Variants in CXCL13 observed in about 807,000 individuals in gnomAD.
CXCL13 encodes the protein C-X-C motif chemokine ligand 13, also known as C-X-C motif chemokine 13.
In CXCL13, 7 loss-of-function variants were observed where a neutral mutation model predicts 12.2. The observed-to-expected ratio is 0.57, with a 90% CI of 0.33 to 1.07. The LOEUF (loss-of-function observed/expected upper bound fraction) is 1.07, where lower values mean the gene tolerates loss of function less well. Ranked by LOEUF, CXCL13 falls within the 50% of genes least tolerant of loss-of-function variation. The pLI is 0.04. For missense variants in CXCL13, 113 were observed against 127.4 expected (o/e 0.89, Z 0.55); for synonymous variants, 47 against 42.4 (o/e 1.11, Z -0.42).
At chr4:77,567,369 C>G (rs758646887) in intron 1 of CXCL13, among the ~76,000 whole-genome samples, 1 of 152,222 alleles carries the variant, frequency 6.6e-6, no homozygotes, top group Non-Finnish European at 1.5e-5. Flanking sequence ...ACGCGCACAA[C>G]ATTGGGATTC....
At chr4:77,570,621 C>T (rs748105938) in intron 1 of CXCL13, among the ~76,000 whole-genome samples, 1 of 152,222 alleles carries the variant, frequency 6.6e-6, no homozygotes, top group Non-Finnish European at 1.5e-5. Context: ...TCTGGGCTGG[C>T]CAAGGCCAGA....
rs536187527 is a variant in CXCL13, at chr4:77,561,166, A to T, written c.-42-44658A>T. Among the ~76,000 whole-genome samples the T allele has an allele frequency of 9.9e-4, 151 of 152,324 alleles. 1 individual carries two copies. The highest frequency in any genetic ancestry group is 3.6e-3 in the African/African-American group (148 of 41,566). Reference sequence around the variant, plus strand: ...TCTATTGTACCTAGTGACTAAAGTGAAATTTTAGAATGGTTTGAAACCTTG... The same window carrying T: ...TCTATTGTACCTAGTGACTAAAGTGTAATTTTAGAATGGTTTGAAACCTTG... On this transcript the variant is annotated intron_variant, in intron 1 of 4. Transcript: ENST00000286758.
At chr4:77,567,825 AC>A (rs1725975012) in intron 1 of CXCL13, among the ~76,000 whole-genome samples, 1 of 152,140 alleles carries the variant, frequency 6.6e-6, no homozygotes. Flanking sequence ...GGAATTCCCC[AC>A]CCCTTTCCCA....
chr4:77,530,646 C>G (rs941115043), intron 1 of CXCL13, among the ~76,000 whole-genome samples: 3 of 152,108 alleles, frequency 2.0e-5, no homozygotes, highest in Admixed American at 2.0e-4. Context: ...TTTATTGCAT[C>G]TATTTGATTC....
intron 1 of CXCL13, among the ~76,000 whole-genome samples, chr4:77,523,924 C>T (rs960380475): frequency 2.0e-5 from 3 of 151,796 alleles, no homozygotes; most frequent in African/African-American, 4.8e-5. Flanking sequence ...GATGTTGATG[C>T]TATTCCTTTC....
intron 1 of CXCL13, among the ~76,000 whole-genome samples, chr4:77,534,197 CA>C (rs144024829): frequency 0.078 from 11,840 of 152,162 alleles, 626 homozygotes; most frequent in South Asian, 0.13. Context: ...TTCTTAAAAA[CA>C]AAAACAAAAG....
chr4:77,593,311 A>C (rs142368568), intron 1 of CXCL13, among the ~76,000 whole-genome samples: 1 of 152,256 alleles, frequency 6.6e-6, no homozygotes. Flanking sequence ...AAAGAACAGA[A>C]TCACTTCCAA....
chr4:77,589,649 G>C (rs759499253), intron 1 of CXCL13, among the ~76,000 whole-genome samples: 8 of 152,122 alleles, frequency 5.3e-5, no homozygotes, highest in Non-Finnish European at 1.0e-4. Flanking sequence ...CGAATAAGGT[G>C]GGGGGACTAC....
At chr4:77,531,947 C>G (rs1057428528) in intron 1 of CXCL13, among the ~76,000 whole-genome samples, 1 of 152,078 alleles carries the variant, frequency 6.6e-6, no homozygotes, top group African/African-American at 2.4e-5. Context: ...GTCTCTGGTA[C>G]GTGAGATGGG....
Position 77,607,832 on chromosome 4 carries a change from T to A in CXCL13, c.194T>A (p.Ile65Asn). ...GGGAATGGTTGTCCAAGAAAAGAAA[T>A]CATGTAAGTTTCAAGAGAAAAATAA... The part of the protein sequence containing the change: ...PRGNGCPRKE[I>N]IVWKKNKSIV... The change falls in exon 2 of 4, where the codon ATC becomes AAC. Residue 65 changes from isoleucine (I) to asparagine (N), a missense_variant. Physicochemically the swap from Ile to Asn is moderately radical, Grantham distance 149 (BLOSUM62 -3). Coordinates refer to ENST00000682537, the MANE Select transcript of CXCL13 (RefSeq NM_001371558.1). 6.2e-7 allele frequency: 1 copy of A among 1,613,718 alleles called. No individual in the cohort carries two copies. The highest frequency in any genetic ancestry group is 8.5e-7 in the Non-Finnish European group (1 of 1,179,846).
At chr4:77,512,420 G>A (rs1418398296) in intron 1 of CXCL13, among the ~76,000 whole-genome samples, 1 of 152,150 alleles carries the variant, frequency 6.6e-6, no homozygotes, top group Non-Finnish European at 1.5e-5. Flanking sequence ...TGAGTGGGTT[G>A]AATAATAAAG....
intron 1 of CXCL13, among the ~76,000 whole-genome samples, chr4:77,516,861 G>A (rs2110078005): frequency 6.6e-6 from 1 of 152,208 alleles, no homozygotes; most frequent in Non-Finnish European, 1.5e-5. Flanking sequence ...TTTTGAATGT[G>A]TTTGCACTTG....
chr4:77,516,650 G>T (rs1348526221), intron 1 of CXCL13, among the ~76,000 whole-genome samples: 1 of 152,092 alleles, frequency 6.6e-6, no homozygotes, highest in East Asian at 1.9e-4. Context: ...GATCAGTGGT[G>T]ATATCCCCTT....
intron 1 of CXCL13, among the ~76,000 whole-genome samples, chr4:77,590,272 T>C (rs970168923): frequency 6.6e-6 from 1 of 152,186 alleles, no homozygotes; most frequent in Non-Finnish European, 1.5e-5. Flanking sequence ...CCAGTTTCCA[T>C]AGGAGGAAAA....
chr4:77,574,038 G>A (rs1726152830), intron 1 of CXCL13, among the ~76,000 whole-genome samples: 1 of 151,930 alleles, frequency 6.6e-6, no homozygotes, highest in South Asian at 2.1e-4. Flanking sequence ...AAAGCCAGAG[G>A]TGTTGGCTGT....
intron 1 of CXCL13, among the ~76,000 whole-genome samples, chr4:77,584,593 A>T (rs934123824): frequency 2.0e-5 from 3 of 152,236 alleles, no homozygotes; most frequent in Non-Finnish European, 2.9e-5. Flanking sequence ...GTTTGGAGAC[A>T]CTGGATAGAA....
At chr4:77,572,692 TAAA>T (rs530256054) in intron 1 of CXCL13, among the ~76,000 whole-genome samples, 13 of 151,876 alleles carry the variant, frequency 8.6e-5, no homozygotes, top group Non-Finnish European at 1.8e-4. Flanking sequence ...CTTAAAGACT[TAAA>T]AACAGAGATA....
Position 77,564,465 on chromosome 4 carries a change from C to T in CXCL13, c.-42-41359C>T, listed in dbSNP as rs1014159130. Among the ~76,000 whole-genome samples the T allele has an allele frequency of 2.6e-5, 4 of 152,224 alleles. No individual in the cohort carries two copies. In the South Asian group the frequency reaches 8.3e-4, roughly 31 times the overall value. ...TGAGCCACTTGAACTAGCTGTTCTG[C>T]ATTAGGCAAACAAACAGATTCTGTT... On this transcript the variant is annotated intron_variant, in intron 1 of 4. Coordinates refer to the CXCL13 transcript ENST00000286758.
rs1365375212 is a variant in CXCL13 at position 77,607,202 on chromosome 4, C to T, written c.65-501C>T. Among the ~76,000 whole-genome samples the T allele has an allele frequency of 2.0e-5, 3 of 152,168 alleles. No homozygotes were observed. In the East Asian group the frequency reaches 5.8e-4, roughly 29 times the overall value. The stretch of plus-strand genomic sequence containing the variant: ...AAGATAATCCACTGGTTTTATATTG[C>T]ATTAATTATAACTGAGTTGTAAGTC... On this transcript the variant is annotated intron_variant, in intron 1 of 3. Coordinates refer to ENST00000682537, the MANE Select transcript of CXCL13 (RefSeq NM_001371558.1).
Sources: allele counts gnomAD v4.1 joint callset (sites outside exome capture counted in the v4.1 genomes callset), GRCh38; gene constraint gnomAD v4.1.1; transcripts MANE v1.5; gene names NCBI Gene and HGNC (gene_info 2026-07-23, HGNC 2026-07-21).